The following DNAH14 variants were observed in gnomAD, a reference collection of about 807,000 sequenced individuals.
DNAH14 encodes axonemal beta dynein heavy chain 14.
A neutral mutation model predicts 520.9 loss-of-function variants in DNAH14; 478 were observed. The observed-to-expected ratio is 0.92, with a 90% confidence interval of 0.85 to 0.99. The LOEUF is 0.99. Ranked by LOEUF, DNAH14 falls within the 50% of genes least tolerant of loss-of-function variation. DNAH14 has a pLI of 0.00. For missense variants in DNAH14, 4,831 were observed against 5,234.5 expected, an observed-to-expected ratio of 0.92 and a Z score of 2.38; for synonymous variants, 1,581 against 1,757.2, an observed-to-expected ratio of 0.90 and a Z score of 2.51.
intron 23 of DNAH14, among the ~76,000 whole-genome samples, chr1:225,113,395 G>T (rs1467109531): frequency 6.6e-6 from 1 of 152,210 alleles, no homozygotes; most frequent in East Asian, 1.9e-4. Flanking sequence ...AAGCATGCAT[G>T]TGGCCACCAT....
At chr1:225,044,006 G>A in intron 15 of DNAH14, 23 bp downstream of exon 15, 1 of 1,327,586 alleles carries the variant, frequency 7.5e-7, no homozygotes, top group Non-Finnish European at 1.0e-6. Flanking sequence ...AAAGCTTAGT[G>A]AAATGCATTG....
intron 17 of DNAH14, among the ~76,000 whole-genome samples, chr1:225,067,618 A>G (rs527312271): frequency 6.4e-4 from 97 of 152,070 alleles, no homozygotes; most frequent in African/African-American, 2.2e-3. Flanking sequence ...CCACAACCTC[A>G]CCAGCATCGG....
At chr1:224,934,783 G>T (rs934261044) in intron 1 of DNAH14, among the ~76,000 whole-genome samples, 1 of 151,752 alleles carries the variant, frequency 6.6e-6, no homozygotes, top group African/African-American at 2.4e-5. Context: ...CAAGAGAAAA[G>T]ATCCTTGTCA....
intron 71 of DNAH14, 107 bp from the exon 72 acceptor site, chr1:225,351,540 T>C: frequency 1.8e-6 from 1 of 552,482 alleles, no homozygotes; most frequent in Non-Finnish European, 2.8e-6. Context: ...AATTTTTATA[T>C]GAAATAGCCT....
At chr1:225,266,913 CTAACTATATTAATCATATA>C in intron 49 of DNAH14, 144 bp downstream of exon 49, 2 of 654,088 alleles carry the variant, frequency 3.1e-6, no homozygotes, top group Non-Finnish European at 4.8e-6. Context: ...AGACCCTAAA[CTAACTATATTAATCATATA>C]TTTGCAATGT....
intron 37 of DNAH14, among the ~76,000 whole-genome samples, chr1:225,187,716 T>C (rs1339255165): frequency 2.6e-5 from 4 of 151,944 alleles, no homozygotes; most frequent in Non-Finnish European, 5.9e-5. Flanking sequence ...TGAATACCTT[T>C]TCATATGCTT....
At chr1:225,248,685 C>T (rs915102760) in intron 43 of DNAH14, among the ~76,000 whole-genome samples, 3 of 152,002 alleles carry the variant, frequency 2.0e-5, no homozygotes, top group Non-Finnish European at 4.4e-5. Flanking sequence ...CAATGAGCTC[C>T]CTTAGCACTC....
At chr1:225,382,710 T>A (rs1241390425) in intron 81 of DNAH14, among the ~76,000 whole-genome samples, 3 of 150,300 alleles carry the variant, frequency 2.0e-5, no homozygotes, top group Non-Finnish European at 4.4e-5. Context: ...GGACACTCTG[T>A]CTCAAAAAAA....
At chr1:225,042,443 G>T (rs2067563986) in intron 12 of DNAH14, among the ~76,000 whole-genome samples, 1 of 152,240 alleles carries the variant, frequency 6.6e-6, no homozygotes, top group South Asian at 2.1e-4. Flanking sequence ...TAGATTTGTA[G>T]TTCTTAAACC....
At position 225,398,497 on chromosome 1, in the gene DNAH14, ACAC is replaced by A. The variant is rs1322319262; in HGVS notation, c.13492-18_13492-16del. On this transcript the variant is annotated intron_variant, in intron 84 of 85. Transcript: ENST00000682510. The stretch of plus-strand genomic sequence containing the variant: ...TCGCTGCTTCTCCTGGGGATCCCTG[ACAC>A]CACCTCTCTTCCATCTTAGGGCTCA... 2.6e-6 allele frequency: 4 copies of A among 1,550,108 alleles called. No individual in the cohort carries two copies. In the South Asian group the frequency reaches 4.8e-5, roughly 18 times the overall value.
intron 47 of DNAH14, among the ~76,000 whole-genome samples, chr1:225,264,462 T>C (rs1351454562): frequency 6.6e-6 from 1 of 152,146 alleles, no homozygotes; most frequent in Non-Finnish European, 1.5e-5. Flanking sequence ...AGAGGAGTAT[T>C]ACATCTGCTG....
At chr1:225,283,488 A>T (rs1038935624) in intron 54 of DNAH14, among the ~76,000 whole-genome samples, 7 of 152,136 alleles carry the variant, frequency 4.6e-5, no homozygotes, top group Admixed American at 4.6e-4. Context: ...CATACATAAG[A>T]GTTATAAACA....
intron 84 of DNAH14, among the ~76,000 whole-genome samples, chr1:225,394,153 T>G (rs1257752591): frequency 6.6e-6 from 1 of 152,210 alleles, no homozygotes; most frequent in East Asian, 1.9e-4. Flanking sequence ...TAAATTGCAT[T>G]TCCTTGATGA....
chr1:225,026,762 G>A (rs1381454610), intron 11 of DNAH14, among the ~76,000 whole-genome samples: 1 of 152,064 alleles, frequency 6.6e-6, no homozygotes, highest in Non-Finnish European at 1.5e-5. Context: ...ATTTTCATAT[G>A]AATTTTAGAA....
chr1:224,959,887 C>G (rs1451538118), intron 3 of DNAH14, among the ~76,000 whole-genome samples: 1 of 152,142 alleles, frequency 6.6e-6, no homozygotes, highest in Non-Finnish European at 1.5e-5. Flanking sequence ...TTGTAACAAC[C>G]TATGAGGTTC....
At chr1:225,367,725 T>C (rs1020252491) in intron 76 of DNAH14, 80 bp from the exon 77 acceptor site, 1 of 924,404 alleles carries the variant, frequency 1.1e-6, no homozygotes, top group African/African-American at 1.6e-5. Context: ...CTTTTACCAG[T>C]GTTGTAGAAA....
chr1:225,265,352 G>A lies in DNAH14; in HGVS notation c.7393G>A (p.Ala2465Thr), dbSNP rs1298611004. 1.3e-6 allele frequency: 2 copies of A among 1,534,770 alleles called. No homozygotes were observed. Residue 2465 changes from alanine (A) to threonine (T), a missense_variant, in exon 48 of 86, where the codon GCA (alanine) becomes ACA (threonine). Ala to Thr is a moderately conservative substitution (Grantham distance 58). Coordinates refer to ENST00000682510, the MANE Select transcript of DNAH14 (RefSeq NM_001367479.1). ...AAGAAGAACTAAAGATACTCTTGGAGCACCAAAAAACAACCGGGTAAAACA... is the reference window on the plus strand; with the variant it reads ...AAGAAGAACTAAAGATACTCTTGGAACACCAAAAAACAACCGGGTAAAACA... ...LIRRTKDTLGAPKNNRILIFI... is the reference protein window; with the variant it reads ...LIRRTKDTLGTPKNNRILIFI...
At chr1:225,336,061 G>GCATA (rs1184760313) in intron 66 of DNAH14, among the ~76,000 whole-genome samples, 1 of 100,112 alleles carries the variant, frequency 1.0e-5, no homozygotes, top group African/African-American at 4.4e-5. Context: ...ATACATATAT[G>GCATA]TATACATACA....
chr1:225,066,878 T>A (rs936370976), intron 17 of DNAH14, among the ~76,000 whole-genome samples: 11 of 152,142 alleles, frequency 7.2e-5, no homozygotes, highest in African/African-American at 2.4e-4. Context: ...TATACCACAT[T>A]TAATTTACCC....
Sources: gnomAD v4.1 joint callset for allele counts (sites outside exome capture counted in the v4.1 genomes callset) on GRCh38, gnomAD v4.1.1 for gene constraint, MANE v1.5 for transcripts, NCBI Gene and HGNC (gene_info 2026-07-23, HGNC 2026-07-21) for gene names.